RPLP2: variants seen among roughly 807,000 people sequenced by gnomAD.
RPLP2 encodes large ribosomal subunit protein P2.
In RPLP2, 1 loss-of-function variant was observed where a neutral mutation model predicts 11.5. That is an observed-to-expected ratio of 0.09 (90% confidence interval 0.03 to 0.41). The LOEUF (loss-of-function observed/expected upper bound fraction) is 0.41, where lower values mean the gene tolerates loss of function less well. Ranked by LOEUF, RPLP2 falls within the 10% of genes least tolerant of loss-of-function variation. RPLP2 has a pLI of 0.98. For missense variants in RPLP2, 177 were observed against 145.6 expected (o/e 1.22, Z -1.11); for synonymous variants, 82 against 55.9 (o/e 1.47, Z -2.08).
chr11:810,370 C>T lies in RPLP2; in HGVS notation c.123+13C>T, dbSNP rs201228279. ...CCGGCTCAACAAGGTAGCGGCCGCC[C>T]TTGCCCCGCAGCCGCCGTGGGGCCC... is the stretch of plus-strand genomic sequence containing the variant. On this transcript the variant is annotated intron_variant, in intron 2 of 4. Transcript: ENST00000321153. 3.7e-6 allele frequency: 6 copies of T among 1,601,832 alleles called. No individual in the cohort carries two copies. The highest frequency in any genetic ancestry group is 2.3e-5 in the East Asian group (1 of 43,560).
intron 3 of RPLP2, 162 bp downstream of exon 3, chr11:811,807 A>G (rs1477043916): frequency 3.4e-6 from 3 of 882,080 alleles, no homozygotes; most frequent in South Asian, 1.3e-5. Context: ...GGGCACTTCT[A>G]GACACTCTCA....
intron 3 of RPLP2, chr11:811,915 G>A: frequency 1.5e-6 from 1 of 685,336 alleles, no homozygotes; most frequent in Non-Finnish European, 2.7e-6. Flanking sequence ...CCATTCCCCA[G>A]GATTTGTCTG....
chr11:810,884 T>A (rs1223254814), intron 2 of RPLP2, among the ~76,000 whole-genome samples: 2 of 141,334 alleles, frequency 1.4e-5, no homozygotes, highest in Non-Finnish European at 3.0e-5. Flanking sequence ...AAGATTGCGT[T>A]AAAAAAAAAA....
rs118165903 is a variant in RPLP2, at chr11:811,417, C to T, written c.124-180C>T. On this transcript the variant is annotated intron_variant, in intron 2 of 4. Coordinates refer to ENST00000321153, the MANE Select transcript of RPLP2 (RefSeq NM_001004.4). ...GTCCTAAGTCTAAGAAAGCTAGTGTCCATTTATTTTTATATCACTTCCCAA... is the reference window on the plus strand; with the variant it reads ...GTCCTAAGTCTAAGAAAGCTAGTGTTCATTTATTTTTATATCACTTCCCAA... 2.7e-4 allele frequency: 174 copies of T among 645,572 alleles called. 1 individual carries two copies. The Middle Eastern group carries it at 3.4e-3, about 12-fold the overall frequency. The allele number at this position is 645,572 out of a possible 1,614,324, so 40.0% of individuals were successfully genotyped here. A position where few individuals can be genotyped will look rare whatever the true frequency, so the allele number is the denominator to read the frequency against.
rs1349447130 is a variant in RPLP2, at chr11:810,266, C to A, written c.32C>A (p.Ala11Asp). Residue 11 changes from alanine to aspartate, a missense_variant, in exon 2 of 5, where the codon GCC becomes GAC. By Grantham distance (126) the Ala-to-Asp change is moderately radical. Transcript: ENST00000321153. MRYVASYLLA[A>D]LGGNSSPSAK... ...TACGTCGCCTCCTACCTGCTGGCTGCCCTAGGGGGCAACTCCTCCCCCAGC... is the reference window on the plus strand; with the variant it reads ...TACGTCGCCTCCTACCTGCTGGCTGACCTAGGGGGCAACTCCTCCCCCAGC... 5 of 1,605,288 alleles carry A rather than the reference C, an allele frequency of 3.1e-6. No homozygotes were observed. The highest frequency in any genetic ancestry group is 4.2e-6 in the Non-Finnish European group (5 of 1,177,362).
At chr11:811,892 C>T in intron 3 of RPLP2, 1 of 729,632 alleles carries the variant, frequency 1.4e-6, no homozygotes, top group Non-Finnish European at 2.5e-6. Flanking sequence ...CCTGACTGCT[C>T]CTAGCCCTGA....
chr11:811,761 C>T (rs777753451), intron 3 of RPLP2, 116 bp downstream of exon 3: 5 of 1,329,780 alleles, frequency 3.8e-6, no homozygotes, highest in African/African-American at 1.4e-5. Context: ...AAGCCTCACC[C>T]GAGGAGTGAG....
intron 2 of RPLP2, among the ~76,000 whole-genome samples, chr11:811,181 A>G (rs1312085344): frequency 1.3e-5 from 2 of 151,988 alleles, no homozygotes; most frequent in Non-Finnish European, 2.9e-5. Context: ...AATACAATAA[A>G]AAATTAGCCA....
At position 812,802 on chromosome 11, in the gene RPLP2, C is replaced by T; in HGVS notation, c.314C>T (p.Ser105Leu). The change falls in exon 5 of 5, where the codon TCA becomes TTA. Residue 105 changes from serine to leucine, a missense_variant. By Grantham distance (145) the Ser-to-Leu change is moderately radical (BLOSUM62 -2). Transcript: ENST00000321153. ...GAGAAGAAGGAGGAGTCTGAAGAGT[C>T]AGATGATGACATGGGATTTGGCCTT... ...KDEKKEESEE[S>L]DDDMGFGLFD The T allele has an allele frequency of 7.4e-6, 12 of 1,613,710 alleles. No homozygotes were observed. The highest frequency in any genetic ancestry group is 1.0e-5 in the Non-Finnish European group (12 of 1,180,014).
intron 2 of RPLP2, 35 bp from the exon 3 acceptor site, chr11:811,562 A>C: frequency 1.2e-6 from 2 of 1,613,984 alleles, no homozygotes; most frequent in South Asian, 1.1e-5. Flanking sequence ...ACAATCGTAC[A>C]TTCCTGGTAA....
At position 812,573 on chromosome 11, in the gene RPLP2, G is replaced by A. The variant is rs749459062; in HGVS notation, c.211G>A (p.Val71Ile). The change falls in exon 4 of 5, where the codon GTA becomes ATA. Residue 71 changes from valine to isoleucine, a missense_variant. Physicochemically the swap from Val to Ile is conservative, Grantham distance 29. Coordinates refer to ENST00000321153, the MANE Select transcript of RPLP2 (RefSeq NM_001004.4). ...TGCCAGTGTACCTGCTGGTGGGGCTGTAGCCGTCTCTGCTGCCCCAGGCTC... is the reference window on the plus strand; with the variant it reads ...TGCCAGTGTACCTGCTGGTGGGGCTATAGCCGTCTCTGCTGCCCCAGGCTC... ...KLASVPAGGA[V>I]AVSAAPGSAA... The A allele has an allele frequency of 1.9e-6, 3 of 1,609,468 alleles. No individual in the cohort carries two copies. Among genetic ancestry groups the A allele is most frequent in the Non-Finnish European group, 2.5e-6 (3 of 1,179,884 alleles).
intron 2 of RPLP2, among the ~76,000 whole-genome samples, chr11:810,740 C>A (rs567797782): frequency 2.1e-4 from 32 of 148,916 alleles, no homozygotes; most frequent in African/African-American, 7.0e-4. Flanking sequence ...TTGCACGGAT[C>A]GTGCCACTGT....
Position 809,988 on chromosome 11 carries a change from C to A in RPLP2, c.-53C>A. On this transcript the variant is annotated 5_prime_UTR_variant, in exon 1 of 5. Transcript: ENST00000321153. ...CCTTCCTTTTCCTCCCTGTCGCCAC[C>A]GAGGTCGCACGCGTGAGACTTCTCC... The A allele has an allele frequency of 2.4e-6, 1 of 411,368 alleles. No homozygotes were observed. Among genetic ancestry groups the A allele is most frequent in the African/African-American group, 2.1e-5 (1 of 47,808 alleles). The allele number at this position is 411,368 out of a possible 1,614,324, so 25.5% of individuals were successfully genotyped here.
In RPLP2 at chr11:810,332, A is replaced by C; in HGVS notation, c.98A>C (p.Glu33Ala). 1 of 1,608,192 alleles carries C rather than the reference A, an allele frequency of 6.2e-7. No individual in the cohort carries two copies. Among genetic ancestry groups the C allele is most frequent in the Non-Finnish European group, 8.5e-7 (1 of 1,177,932 alleles). Reference sequence around the variant, plus strand: ...AAGATCTTGGACAGCGTGGGTATCGAGGCGGACGACGACCGGCTCAACAAG... The same window carrying C: ...AAGATCTTGGACAGCGTGGGTATCGCGGCGGACGACGACCGGCTCAACAAG... ...IKKILDSVGI[E>A]ADDDRLNKVI... Residue 33 changes from glutamate (E) to alanine (A), a missense_variant, in exon 2 of 5, where the codon GAG (glutamate) becomes GCG (alanine). Physicochemically the swap from Glu to Ala is moderately radical, Grantham distance 107 (BLOSUM62 -1). Coordinates refer to ENST00000321153, the MANE Select transcript of RPLP2 (RefSeq NM_001004.4).
intron 3 of RPLP2, 79 bp from the exon 4 acceptor site, chr11:812,456 C>A: frequency 1.3e-6 from 2 of 1,579,876 alleles, no homozygotes; most frequent in African/African-American, 1.3e-5. Flanking sequence ...TGTGCCATCT[C>A]TGGTGCCATC....
chr11:812,555 G>C lies in RPLP2; in HGVS notation c.193G>C (p.Val65Leu), dbSNP rs751938177. The C allele has an allele frequency of 3.7e-6, 6 of 1,609,452 alleles. No individual in the cohort carries two copies. Among genetic ancestry groups the C allele is most frequent in the Non-Finnish European group, 5.1e-6 (6 of 1,179,870 alleles). The change falls in exon 4 of 5, where the codon GTA (valine) becomes CTA (leucine). Residue 65 changes from valine (V) to leucine (L), a missense_variant. Val to Leu is a conservative substitution (Grantham distance 32). Transcript: ENST00000321153. ...IAQGIGKLAS[V>L]PAGGAVAVSA... ...TGTAGGTATTGGCAAGCTTGCCAGT[G>C]TACCTGCTGGTGGGGCTGTAGCCGT...
rs1865971415 is a variant in RPLP2 at position 810,001 on chromosome 11, G to T, written c.-40G>T. On this transcript the variant is annotated 5_prime_UTR_variant, in exon 1 of 5. Coordinates refer to ENST00000321153, the MANE Select transcript of RPLP2 (RefSeq NM_001004.4). Reference sequence around the variant, plus strand: ...CCCTGTCGCCACCGAGGTCGCACGCGTGAGACTTCTCCGCCGCCTCCGCCG... The same window carrying T: ...CCCTGTCGCCACCGAGGTCGCACGCTTGAGACTTCTCCGCCGCCTCCGCCG... 3 of 443,354 alleles carry T rather than the reference G, an allele frequency of 6.8e-6. No individual in the cohort carries two copies. Among genetic ancestry groups the T allele is most frequent in the Non-Finnish European group, 1.1e-5 (3 of 264,250 alleles). 27.5% of individuals were successfully genotyped at this position (443,354 alleles called of 1,614,324 possible). A position where few individuals can be genotyped will look rare whatever the true frequency, so the allele number is the denominator to read the frequency against.
intron 2 of RPLP2, among the ~76,000 whole-genome samples, chr11:810,805 AAAGC>A (rs1418674871): frequency 6.6e-6 from 1 of 151,624 alleles, no homozygotes; most frequent in Non-Finnish European, 1.5e-5. Flanking sequence ...AAAAAAAAAA[AAAGC>A]AGGGTGGGTA....
intron 3 of RPLP2, chr11:812,291 G>A: frequency 1.8e-6 from 1 of 556,874 alleles, no homozygotes; most frequent in South Asian, 2.0e-5. Flanking sequence ...GGGAAATTGG[G>A]CAGGCAGGCA....
Sources: gnomAD v4.1 joint callset for allele counts (sites outside exome capture counted in the v4.1 genomes callset) on GRCh38, gnomAD v4.1.1 for gene constraint, MANE v1.5 for transcripts, NCBI Gene and HGNC (gene_info 2026-07-23, HGNC 2026-07-21) for gene names.